UGT2A2: variants seen among roughly 807,000 people sequenced by gnomAD.
UGT2A2 encodes UDP glucuronosyltransferase family 2 member A2.
In UGT2A2, 60 loss-of-function variants were observed where a neutral mutation model predicts 50.7. That is an observed-to-expected ratio of 1.18 (90% CI 0.96 to 1.47). The LOEUF (loss-of-function observed/expected upper bound fraction) is 1.47, where lower values mean the gene tolerates loss of function less well. UGT2A2 is among the 40% of genes most tolerant of loss of function. The pLI is 0.00. For synonymous variants in UGT2A2, 242 were observed against 214.6 expected (o/e 1.13, Z -1.11); for missense variants, 762 against 634.0 (o/e 1.20, Z -2.17).
intron 1 of UGT2A2, among the ~76,000 whole-genome samples, chr4:69,638,179 G>A (rs1721825354): frequency 1.3e-5 from 2 of 152,090 alleles, no homozygotes; most frequent in Non-Finnish European, 2.9e-5. Context: ...ATTGATTAGT[G>A]TCCCGAGTAC....
At chr4:69,621,571 C>T (rs914353977) in intron 1 of UGT2A2, among the ~76,000 whole-genome samples, 3 of 151,638 alleles carry the variant, frequency 2.0e-5, no homozygotes, top group African/African-American at 7.3e-5. Context: ...AATTAGTTCA[C>T]CCATTGTGGA....
chr4:69,596,360 T>G lies in UGT2A2; in HGVS notation c.913A>C (p.Ser305Arg), dbSNP rs1392847860. Residue 305 changes from serine (S) to arginine (R), a missense_variant, in exon 3 of 6, where the codon AGC (serine) becomes CGC (arginine). Coordinates refer to ENST00000604629, the MANE Select transcript of UGT2A2 (RefSeq NM_001105677.2). ...LPKEMEEFIQSSGKNGVVVFS... is the reference protein window; with the variant it reads ...LPKEMEEFIQRSGKNGVVVFS... ...ACCACAACACCATTTTTACCTGAGC[T>G]CTGGATAAATTCTTCCATTTCCTGC... is the stretch of plus-strand genomic sequence containing the variant. 1 of 1,601,030 alleles carries G rather than the reference T, an allele frequency of 6.2e-7. No homozygotes were observed. The highest frequency in any genetic ancestry group is 1.7e-5 in the Admixed American group (1 of 58,594).
At chr4:69,599,934 C>A (rs188041680) in intron 1 of UGT2A2, among the ~76,000 whole-genome samples, 55 of 152,270 alleles carry the variant, frequency 3.6e-4, no homozygotes, top group Middle Eastern at 3.4e-3. Flanking sequence ...GTTTCTTCCC[C>A]AGGACAGCAA....
At chr4:69,631,783 C>T (rs927307189) in intron 1 of UGT2A2, among the ~76,000 whole-genome samples, 4 of 152,096 alleles carry the variant, frequency 2.6e-5, no homozygotes, top group Non-Finnish European at 5.9e-5. Context: ...TTACTAGGCT[C>T]CACTGATGCT....
At chr4:69,608,113 A>G (rs1719776412) in intron 1 of UGT2A2, among the ~76,000 whole-genome samples, 1 of 152,192 alleles carries the variant, frequency 6.6e-6, no homozygotes, top group South Asian at 2.1e-4. Flanking sequence ...ATAAAGACCC[A>G]TGCACACGTA....
chr4:69,601,344 C>A (rs548537653), intron 1 of UGT2A2, among the ~76,000 whole-genome samples: 1 of 152,124 alleles, frequency 6.6e-6, no homozygotes, highest in East Asian at 1.9e-4. Flanking sequence ...GGTGGCTTAA[C>A]AGAAAGGACA....
chr4:69,597,385 G>A (rs1216149765), intron 2 of UGT2A2, among the ~76,000 whole-genome samples: 5 of 152,086 alleles, frequency 3.3e-5, no homozygotes, highest in African/African-American at 1.2e-4. Flanking sequence ...AAATTTGTCT[G>A]CCAATAAAAT....
intron 1 of UGT2A2, among the ~76,000 whole-genome samples, chr4:69,625,876 C>T (rs1419372452): frequency 6.6e-6 from 1 of 151,462 alleles, no homozygotes; most frequent in Non-Finnish European, 1.5e-5. Flanking sequence ...CAATAGCATT[C>T]TTTAACCCAG....
Position 69,608,414 on chromosome 4 carries a change from C to G in UGT2A2, c.743-9020G>C, listed in dbSNP as rs374648867. Among the ~76,000 whole-genome samples, 28 of 107,816 alleles carry G rather than the reference C, an allele frequency of 2.6e-4. No individual in the cohort carries two copies. In the East Asian group the frequency reaches 4.0e-3, roughly 15 times the overall value. 70.7% of individuals were successfully genotyped at this position (107,816 alleles called of 152,430 possible). On this transcript the variant is annotated intron_variant, in intron 1 of 5. Coordinates refer to ENST00000604629, the MANE Select transcript of UGT2A2 (RefSeq NM_001105677.2). ...GAAGGGGAACATCACACACCGGGGCCTGTTGTGGGGTGGGGGGAGGGGGGA... is the reference window on the plus strand; with the variant it reads ...GAAGGGGAACATCACACACCGGGGCGTGTTGTGGGGTGGGGGGAGGGGGGA...
chr4:69,618,693 G>C (rs775031530), intron 1 of UGT2A2, among the ~76,000 whole-genome samples: 8 of 151,806 alleles, frequency 5.3e-5, no homozygotes, highest in Non-Finnish European at 8.8e-5. Flanking sequence ...TTCTTTAAAA[G>C]TGTAATTCTA....
At chr4:69,599,185 T>C in intron 2 of UGT2A2, 61 bp downstream of exon 2, 1 of 1,520,768 alleles carries the variant, frequency 6.6e-7, no homozygotes, top group Non-Finnish European at 8.8e-7. Context: ...CTATAAACTT[T>C]AAAAGAAAAT....
intron 1 of UGT2A2, chr4:69,635,828 C>CAGAAAAAAAAAAAAAAAAAAA (rs1721658425): frequency 2.0e-5 from 1 of 49,134 alleles, no homozygotes; most frequent in African/African-American, 6.6e-5. Flanking sequence ...TCCACCTCAC[C>CAGAAAAAAAAAAAAAAAAAAA]AAAAAAAAAA....
At chr4:69,623,339 C>T (rs1720860365) in intron 1 of UGT2A2, among the ~76,000 whole-genome samples, 2 of 151,764 alleles carry the variant, frequency 1.3e-5, no homozygotes, top group African/African-American at 2.4e-5. Context: ...AAGAAACAGA[C>T]GCTGAGAAAA....
At chr4:69,601,472 C>G (rs914627996) in intron 1 of UGT2A2, among the ~76,000 whole-genome samples, 1 of 152,178 alleles carries the variant, frequency 6.6e-6, no homozygotes, top group Non-Finnish European at 1.5e-5. Context: ...GCAAGTGCCA[C>G]CTCTTGGCTA....
intron 1 of UGT2A2, among the ~76,000 whole-genome samples, chr4:69,636,190 C>G (rs1458741589): frequency 1.3e-5 from 2 of 152,090 alleles, no homozygotes; most frequent in African/African-American, 4.8e-5. Context: ...GTCTGTTTTT[C>G]CTACACAGAA....
At chr4:69,590,001 T>G (rs561666135) in intron 5 of UGT2A2, among the ~76,000 whole-genome samples, 9 of 152,318 alleles carry the variant, frequency 5.9e-5, no homozygotes, top group Admixed American at 2.0e-4. Context: ...CCTAATACTG[T>G]GGGATAAAAA....
intron 1 of UGT2A2, among the ~76,000 whole-genome samples, chr4:69,616,561 A>C (rs1208094540): frequency 6.6e-6 from 1 of 151,942 alleles, no homozygotes; most frequent in African/African-American, 2.4e-5. Context: ...CATGTACCCC[A>C]CCAACAAAAA....
chr4:69,596,965 A>C (rs1489709445), intron 2 of UGT2A2, among the ~76,000 whole-genome samples: 1 of 152,206 alleles, frequency 6.6e-6, no homozygotes, highest in Non-Finnish European at 1.5e-5. Context: ...GCTAACTGAA[A>C]TTGTTACCCC....
rs894625096 is a variant in UGT2A2 at position 69,639,346 on chromosome 4, T to C, written c.295A>G (p.Met99Val). 10 of 1,613,632 alleles carry C rather than the reference T, an allele frequency of 6.2e-6. No individual in the cohort carries two copies. Among genetic ancestry groups the C allele is most frequent in the Non-Finnish European group, 7.6e-6 (9 of 1,179,752 alleles). ...CTATGGTCAATCCACAGCATTATCA[T>C]ATGCTCAATTAAGGAATCTATATTG... is the stretch of plus-strand genomic sequence containing the variant. ...KSNIDSLIEH[M>V]IMLWIDHRPT... is the part of the protein sequence containing the mutation. The change falls in exon 1 of 6, where the codon ATG becomes GTG. Residue 99 changes from methionine to valine, a missense_variant. Transcript: ENST00000604629.
Sources: allele counts gnomAD v4.1 joint callset (sites outside exome capture counted in the v4.1 genomes callset), GRCh38; gene constraint gnomAD v4.1.1; transcripts MANE v1.5; gene names NCBI Gene and HGNC (gene_info 2026-07-23, HGNC 2026-07-21).